The following SLC37A2 variants were observed in gnomAD, a reference collection of about 807,000 sequenced individuals.
SLC37A2 encodes solute carrier family 37 member 2, also known as glucose-6-phosphate exchanger SLC37A2.
A neutral mutation model predicts 70.7 loss-of-function variants in SLC37A2; 59 were observed. The ratio of observed to expected loss-of-function variants is 0.83; its 90% CI spans 0.68 to 1.04. SLC37A2 has a LOEUF of 1.04. Among genes scored for constraint, SLC37A2 ranks in the 50% least tolerant of loss-of-function variants. The pLI is 0.00. For missense variants in SLC37A2, 580 were observed against 658.1 expected (o/e 0.88, Z 1.30); for synonymous variants, 257 against 262.1 (o/e 0.98, Z 0.19).
In SLC37A2 at chr11:125,080,726, C is replaced by T; in HGVS notation, c.640C>T (p.Pro214Ser). 1 of 1,564,880 alleles carries T rather than the reference C, an allele frequency of 6.4e-7. No individual in the cohort carries two copies. The highest frequency in any genetic ancestry group is 8.7e-7 in the Non-Finnish European group (1 of 1,154,410). Residue 214 changes from proline (P) to serine (S), a missense_variant, in exon 7 of 18, where the codon CCT becomes TCT. Pro to Ser is a moderately conservative substitution (Grantham distance 74). Coordinates refer to ENST00000403796, the MANE Select transcript of SLC37A2 (RefSeq NM_001145290.2). This position sits in a 1 kb window ranked among gnomAD's most constrained non-coding sequence, Gnocchi z 4.3. Reference sequence around the variant, plus strand: ...GCAGTGGGGCCTGTCGTTCATCGTGCCTGGCATCATTACTGCCGTCATGGG... The same window carrying T: ...GCAGTGGGGCCTGTCGTTCATCGTGTCTGGCATCATTACTGCCGTCATGGG... ...NGQWGLSFIVPGIITAVMGVI... is the reference protein window; with the variant it reads ...NGQWGLSFIVSGIITAVMGVI...
chr11:125,070,173 AG>A (rs1949016619), intron 1 of SLC37A2, among the ~76,000 whole-genome samples: 1 of 152,172 alleles, frequency 6.6e-6, no homozygotes, highest in South Asian at 2.1e-4. Context: ...AGGAGCTGTG[AG>A]CTCCTGTGGT....
rs1266371003 is a variant in SLC37A2, at chr11:125,085,694, CAGAT to C, written c.1425+23_1425+26del. The C allele has an allele frequency of 5.0e-6, 8 of 1,607,756 alleles. No individual in the cohort carries two copies. The African/African-American group carries it at 9.4e-5, about 19-fold the overall frequency. ...TGCTTGGTAAGAGTCTTGGGGTACA[CAGAT>C]AGGTATTGAGGGATGCTCTGTCCTG... is the stretch of plus-strand genomic sequence containing the variant. On this transcript the variant is annotated intron_variant, in intron 16 of 17. Coordinates refer to ENST00000403796, the MANE Select transcript of SLC37A2 (RefSeq NM_001145290.2).
At chr11:125,085,199 A>G (rs1205283783) in intron 14 of SLC37A2, 60 bp downstream of exon 14, 1 of 1,514,874 alleles carries the variant, frequency 6.6e-7, no homozygotes, top group African/African-American at 1.4e-5. Flanking sequence ...CAGGGCCACC[A>G]TCTCCAGGTC....
intron 1 of SLC37A2, among the ~76,000 whole-genome samples, chr11:125,065,402 T>G (rs745520607): frequency 3.9e-4 from 60 of 152,238 alleles, no homozygotes; most frequent in Non-Finnish European, 6.8e-4. Flanking sequence ...GATTAGATTT[T>G]TTAAAGCCTT....
chr11:125,081,677 T>C, intron 8 of SLC37A2, 77 bp from the exon 9 acceptor site: 3 of 1,500,832 alleles, frequency 2.0e-6, no homozygotes, highest in Non-Finnish European at 2.7e-6. Context: ...CCAGTGTCTC[T>C]TGCCTGGGCT....
intron 14 of SLC37A2, 97 bp downstream of exon 14, chr11:125,085,236 G>T: frequency 7.3e-7 from 1 of 1,378,644 alleles, no homozygotes; most frequent in Non-Finnish European, 1.0e-6. Context: ...CCATCCCGCA[G>T]AGGAGAAACC....
chr11:125,089,022 G>C lies in SLC37A2; in HGVS notation c.*888G>C, dbSNP rs1202458307. ...CGCCCTGAGCACAGGTGCCAATGGT[G>C]ACAAGACTGGCAAGACGTGAGGGCA... On this transcript the variant is annotated 3_prime_UTR_variant, in exon 18 of 18. Coordinates refer to ENST00000403796, the MANE Select transcript of SLC37A2 (RefSeq NM_001145290.2). 1 of 152,310 alleles carries C rather than the reference G, an allele frequency of 6.6e-6. No homozygotes were observed. Among genetic ancestry groups the C allele is most frequent in the Non-Finnish European group, 1.5e-5 (1 of 68,082 alleles). The allele number at this position is 152,310 out of a possible 1,614,324, so 9.4% of individuals were successfully genotyped here.
intron 1 of SLC37A2, among the ~76,000 whole-genome samples, chr11:125,072,970 C>A (rs936454613): frequency 1.3e-5 from 2 of 152,186 alleles, no homozygotes; most frequent in Admixed American, 6.5e-5. Context: ...CACAACACAG[C>A]TGAGGACCCC....
At chr11:125,068,220 T>G (rs1228279780) in intron 1 of SLC37A2, among the ~76,000 whole-genome samples, 1 of 152,192 alleles carries the variant, frequency 6.6e-6, no homozygotes, top group African/African-American at 2.4e-5. Flanking sequence ...GAGCCTTGAC[T>G]TTGCTGAGCC....
chr11:125,067,517 T>G (rs139354386), intron 1 of SLC37A2, among the ~76,000 whole-genome samples: 2,164 of 152,306 alleles, frequency 0.014, 50 homozygotes, highest in African/African-American at 0.049. Flanking sequence ...GAGCATCTCT[T>G]CTGACTTGAC....
chr11:125,085,727 G>T, intron 16 of SLC37A2, 53 bp downstream of exon 16: 3 of 1,580,626 alleles, frequency 1.9e-6, no homozygotes, highest in Non-Finnish European at 2.6e-6. Flanking sequence ...TGTCCTGCCA[G>T]ACTGGAACCC....
At chr11:125,084,375 GCCTCTGGCCTATGTGCA>G (rs969467228) in intron 12 of SLC37A2, 56 bp downstream of exon 12, 2 of 1,563,958 alleles carry the variant, frequency 1.3e-6, no homozygotes, top group African/African-American at 2.7e-5. Flanking sequence ...GCCTGTGTGG[GCCTCTGGCCTATGTGCA>G]CGTCCACGCG....
chr11:125,084,153 C>T, intron 11 of SLC37A2, 81 bp from the exon 12 acceptor site: 1 of 1,508,438 alleles, frequency 6.6e-7, no homozygotes. Context: ...CAGGCCAGCA[C>T]TGGGGCACAG....
rs1002730260 is a variant in SLC37A2 at position 125,063,857 on chromosome 11, C to T, written c.59+431C>T. On this transcript the variant is annotated intron_variant, in intron 1 of 17. Coordinates refer to ENST00000403796, the MANE Select transcript of SLC37A2 (RefSeq NM_001145290.2). The surrounding 1 kb of genome is among the most constrained non-coding windows in gnomAD (Gnocchi z 5.4). ...GCCACTGGGGTTTGTGAGTGTCCCT[C>T]TTGGTCTCCTTTAGCCCTCGAACAC... is the stretch of plus-strand genomic sequence containing the variant. 1.3e-5 allele frequency among the ~76,000 whole-genome samples: 2 copies of T among 152,206 alleles called. No individual in the cohort carries two copies. Among genetic ancestry groups the T allele is most frequent in the African/African-American group, 4.8e-5 (2 of 41,460 alleles).
rs780112789 is a variant in SLC37A2 at position 125,063,336 on chromosome 11, G to C, written c.-32G>C. ...CGCGCCCAGCTCTGTAGCCTCCTCC[G>C]TCGACTCAGCCTTAGGTACCGGTCA... On this transcript the variant is annotated 5_prime_UTR_variant, in exon 1 of 18. Coordinates refer to ENST00000403796, the MANE Select transcript of SLC37A2 (RefSeq NM_001145290.2). This position sits in a 1 kb window ranked among gnomAD's most constrained non-coding sequence, Gnocchi z 5.4. The C allele has an allele frequency of 6.3e-7, 1 of 1,598,056 alleles. No homozygotes were observed. Among genetic ancestry groups the C allele is most frequent in the East Asian group, 2.3e-5 (1 of 44,392 alleles).
chr11:125,076,517 G>A (rs1442083703), intron 1 of SLC37A2, among the ~76,000 whole-genome samples: 1 of 152,210 alleles, frequency 6.6e-6, no homozygotes, highest in Non-Finnish European at 1.5e-5. Context: ...CTTGTGGGCT[G>A]GGGCCGAGCC....
chr11:125,070,416 C>T (rs773503887), intron 1 of SLC37A2, among the ~76,000 whole-genome samples: 3 of 152,166 alleles, frequency 2.0e-5, no homozygotes, highest in Non-Finnish European at 4.4e-5. Context: ...ATAACACTCT[C>T]GTGCAGCAGG....
At chr11:125,073,294 A>C (rs887847372) in intron 1 of SLC37A2, among the ~76,000 whole-genome samples, 1 of 152,224 alleles carries the variant, frequency 6.6e-6, no homozygotes, top group African/African-American at 2.4e-5. Context: ...GGAAGGCCAG[A>C]GCTCCAGGAG....
At chr11:125,064,838 A>G (rs1158007426) in intron 1 of SLC37A2, among the ~76,000 whole-genome samples, 1 of 152,210 alleles carries the variant, frequency 6.6e-6, no homozygotes, top group African/African-American at 2.4e-5. Flanking sequence ...TCAGTTTGGG[A>G]ACATGAAAAA....
Sources: gnomAD v4.1 joint callset for allele counts (sites outside exome capture counted in the v4.1 genomes callset) on GRCh38, gnomAD v4.1.1 for gene constraint, Gnocchi (gnomAD v3.1) non-coding constraint, MANE v1.5 for transcripts, NCBI Gene and HGNC (gene_info 2026-07-23, HGNC 2026-07-21) for gene names.